Variants in PLCD3 observed in about 807,000 individuals in gnomAD.
PLCD3 encodes the protein phospholipase C delta 3.
Under a neutral mutation model 82.8 loss-of-function variants are expected in PLCD3, and 62 were observed. The ratio of observed to expected loss-of-function variants is 0.75; its 90% CI spans 0.61 to 0.93. PLCD3 has a LOEUF of 0.93. Among genes scored for constraint, PLCD3 ranks in the 40% least tolerant of loss-of-function variants. The pLI is 0.00. For missense variants in PLCD3, 1,023 were observed against 1,103.4 expected, an observed-to-expected ratio of 0.93 and a Z score of 1.03; for synonymous variants, 478 against 471.8, an observed-to-expected ratio of 1.01 and a Z score of -0.17.
Position 45,112,477 on chromosome 17 carries a change from G to C in PLCD3, c.*139C>G. The stretch of plus-strand genomic sequence containing the variant: ...CCCTCAGCACCCAGGTGAGACCAGC[G>C]CCTGGTGAATGGGCTGAGTGGGCCA... On this transcript the variant is annotated 3_prime_UTR_variant, in exon 15 of 15. Coordinates refer to ENST00000619929, the MANE Select transcript of PLCD3 (RefSeq NM_133373.5). 1.1e-6 allele frequency: 1 copy of C among 921,580 alleles called. No individual in the cohort carries two copies. The highest frequency in any genetic ancestry group is 2.6e-5 in the East Asian group (1 of 37,944). The allele number at this position is 921,580 out of a possible 1,614,324, so 57.1% of individuals were successfully genotyped here. A position where few individuals can be genotyped will look rare whatever the true frequency, so the allele number is the denominator to read the frequency against.
chr17:45,116,581 G>A (rs563929856), intron 8 of PLCD3, 51 bp downstream of exon 8: 36 of 1,499,942 alleles, frequency 2.4e-5, no homozygotes, highest in Middle Eastern at 2.3e-4. Context: ...GCGGGGAGGC[G>A]GACTCCCACC....
At chr17:45,127,948 A>G (rs1232181136) in intron 1 of PLCD3, among the ~76,000 whole-genome samples, 1 of 152,154 alleles carries the variant, frequency 6.6e-6, no homozygotes, top group Non-Finnish European at 1.5e-5. Flanking sequence ...GGGAACTGCT[A>G]CAGCCAGCAG....
Position 45,118,473 on chromosome 17 carries a change from C to T in PLCD3, c.933G>A (p.Met311Ile). 1 of 1,613,944 alleles carries T rather than the reference C, an allele frequency of 6.2e-7. No individual in the cohort carries two copies. The highest frequency in any genetic ancestry group is 8.5e-7 in the Non-Finnish European group (1 of 1,179,878). The stretch of plus-strand genomic sequence containing the variant: ...GGTACATCATGAAGCCATCCAGTGT[C>T]ATCAGCTCATGCTGCTTGGCTGCAG... ...LNETAKQHELMTLDGFMMYLL... is the reference protein window; with the variant it reads ...LNETAKQHELITLDGFMMYLL... The change falls in exon 6 of 15, where the codon ATG becomes ATA. Residue 311 changes from methionine to isoleucine, a missense_variant. Physicochemically the swap from Met to Ile is conservative, Grantham distance 10 (BLOSUM62 1). This residue lies in a region of PLCD3 where 553 missense variants were observed against 655.7 expected (regional missense o/e 0.84). Coordinates refer to ENST00000619929, the MANE Select transcript of PLCD3 (RefSeq NM_133373.5). The surrounding 1 kb of genome is among the most constrained non-coding windows in gnomAD (Gnocchi z 4.1).
chr17:45,115,437 G>C lies in PLCD3; in HGVS notation c.1467C>G (p.Ser489Arg). The C allele has an allele frequency of 1.2e-6, 2 of 1,612,040 alleles. No homozygotes were observed. Among genetic ancestry groups the C allele is most frequent in the Non-Finnish European group, 1.7e-6 (2 of 1,179,466 alleles). The change falls in exon 9 of 15, where the codon AGC (serine) becomes AGG (arginine). Residue 489 changes from serine (S) to arginine (R), a missense_variant. Coordinates refer to ENST00000619929, the MANE Select transcript of PLCD3 (RefSeq NM_133373.5). Reference sequence around the variant, plus strand: ...GATCCGACAGAGCCCGGCCATCCTCGCTCCGAGCAGCGGGCAACTTCTTTC... The same window carrying C: ...GATCCGACAGAGCCCGGCCATCCTCCCTCCGAGCAGCGGGCAACTTCTTTC... ...VKGKKLPAAR[S>R]EDGRALSDRE...
Position 45,115,364 on chromosome 17 carries a change from C to A in PLCD3, c.1540G>T (p.Ala514Ser). Residue 514 changes from alanine (A) to serine (S), a missense_variant, in exon 9 of 15, where the codon GCT becomes TCT. By Grantham distance (99) the Ala-to-Ser change is moderately conservative. Around this residue, in one of 3 missense-constraint regions of PLCD3, gnomAD observed 553 missense variants for 655.7 expected, o/e 0.84. Coordinates refer to ENST00000619929, the MANE Select transcript of PLCD3 (RefSeq NM_133373.5). ...DDEEEEEEVE[A>S]AAQRRLAKQI... ...CTCACCAGCCGCCTCTGCGCTGCAG[C>A]CTCCACCTCCTCTTCTTCCTCCTCG... 1 of 1,573,074 alleles carries A rather than the reference C, an allele frequency of 6.4e-7. No individual in the cohort carries two copies. Among genetic ancestry groups the A allele is most frequent in the Non-Finnish European group, 8.6e-7 (1 of 1,160,502 alleles).
rs745960150 is a variant in PLCD3, at chr17:45,115,123, C to T, written c.1682G>A (p.Arg561His). ...QPCQVSSLSE[R>H]KAKKLIREAG... Reference sequence around the variant, plus strand: ...CTCCCGAATGAGTTTCTTGGCTTTGCGCTCGCTGAGGGAGCTGACCTGGCA... The same window carrying T: ...CTCCCGAATGAGTTTCTTGGCTTTGTGCTCGCTGAGGGAGCTGACCTGGCA... The change falls in exon 10 of 15, where the codon CGC becomes CAC. Residue 561 changes from arginine (R) to histidine (H), a missense_variant. By Grantham distance (29) the Arg-to-His change is conservative. Coordinates refer to ENST00000619929, the MANE Select transcript of PLCD3 (RefSeq NM_133373.5). 83 of 1,601,072 alleles carry T rather than the reference C, an allele frequency of 5.2e-5. No homozygotes were observed. In the Middle Eastern group the frequency reaches 3.2e-3, roughly 61 times the overall value.
intron 1 of PLCD3, among the ~76,000 whole-genome samples, chr17:45,128,051 T>A (rs1424291400): frequency 1.3e-5 from 2 of 151,200 alleles, no homozygotes; most frequent in African/African-American, 4.9e-5. Flanking sequence ...TGGCGAGGGG[T>A]CCCAAAGACC....
In PLCD3 at chr17:45,118,777, T is replaced by G; in HGVS notation, c.913+38A>C. Reference sequence around the variant, plus strand: ...ACCCGCTTAGCTGGGAACACAGCCCTTTCAGGTGCCACGACCTGGCCGTGC... The same window carrying G: ...ACCCGCTTAGCTGGGAACACAGCCCGTTCAGGTGCCACGACCTGGCCGTGC... On this transcript the variant is annotated intron_variant, in intron 5 of 14. Transcript: ENST00000619929. The surrounding 1 kb of genome is among the most constrained non-coding windows in gnomAD (Gnocchi z 4.1). 6.3e-7 allele frequency: 1 copy of G among 1,575,202 alleles called. No homozygotes were observed. Among genetic ancestry groups the G allele is most frequent in the Non-Finnish European group, 8.6e-7 (1 of 1,159,192 alleles).
intron 4 of PLCD3, among the ~76,000 whole-genome samples, chr17:45,120,121 C>T (rs1047551981): frequency 1.3e-5 from 2 of 152,270 alleles, no homozygotes; most frequent in African/African-American, 4.8e-5. Flanking sequence ...GCCCCGGCTC[C>T]CCACTCCCTT....
In PLCD3 at chr17:45,115,214, G is replaced by C; in HGVS notation, c.1591C>G (p.Leu531Val). The C allele has an allele frequency of 1.9e-6, 3 of 1,576,472 alleles. No individual in the cohort carries two copies. The highest frequency in any genetic ancestry group is 2.6e-6 in the Non-Finnish European group (3 of 1,159,920). Residue 531 changes from leucine (L) to valine (V), a missense_variant, in exon 10 of 15, where the codon CTG becomes GTG. By Grantham distance (32) the Leu-to-Val change is conservative. Around this residue, in one of 3 missense-constraint regions of PLCD3, gnomAD observed 553 missense variants for 655.7 expected, o/e 0.84. Coordinates refer to ENST00000619929, the MANE Select transcript of PLCD3 (RefSeq NM_133373.5). Reference sequence around the variant, plus strand: ...CGGGTGGCGTGGCAGTACACAGCCAGGGCCGACAGCTCCGGGGAGATCTGC... The same window carrying C: ...CGGGTGGCGTGGCAGTACACAGCCACGGCCGACAGCTCCGGGGAGATCTGC... ...AKQISPELSA[L>V]AVYCHATRLR...
intron 4 of PLCD3, among the ~76,000 whole-genome samples, chr17:45,119,899 CCT>C (rs2054322796): frequency 6.6e-6 from 1 of 152,220 alleles, no homozygotes; most frequent in South Asian, 2.1e-4. Flanking sequence ...CCTGTGTGCC[CCT>C]GTGCTCCCAT....
At chr17:45,127,549 C>T (rs1299847694) in intron 1 of PLCD3, among the ~76,000 whole-genome samples, 1 of 152,244 alleles carries the variant, frequency 6.6e-6, no homozygotes, top group East Asian at 1.9e-4. Flanking sequence ...CACAGGTGCA[C>T]CACTGAGCTC....
chr17:45,111,150 T>G lies in PLCD3; in HGVS notation c.*1466A>C, dbSNP rs539270408. 1.3e-5 allele frequency: 2 copies of G among 152,322 alleles called. No individual in the cohort carries two copies. Among genetic ancestry groups the G allele is most frequent in the Non-Finnish European group, 2.9e-5 (2 of 68,022 alleles). The allele number at this position is 152,322 out of a possible 1,614,324, so 9.4% of individuals were successfully genotyped here. ...ATTTTCTCCAGATTCTGTCGCCTAG[T>G]GTCCAGTGCGCTCTCCTGGCATTTC... On this transcript the variant is annotated 3_prime_UTR_variant, in exon 15 of 15. Coordinates refer to ENST00000619929, the MANE Select transcript of PLCD3 (RefSeq NM_133373.5).
rs1455726007 is a variant in PLCD3, at chr17:45,126,465, G to A, written c.164-5093C>T. Among the ~76,000 whole-genome samples the A allele has an allele frequency of 4.1e-5, 6 of 145,614 alleles. No homozygotes were observed. In the East Asian group the frequency reaches 1.2e-3, roughly 29 times the overall value. ...ACCTCCCGGGTTCAAGTGATTTCCG[G>A]CTAATTGTTGTATTTTTAGTAGAGA... On this transcript the variant is annotated intron_variant, in intron 1 of 14. Coordinates refer to ENST00000619929, the MANE Select transcript of PLCD3 (RefSeq NM_133373.5).
At chr17:45,129,622 C>T (rs1304831887) in intron 1 of PLCD3, among the ~76,000 whole-genome samples, 1 of 152,238 alleles carries the variant, frequency 6.6e-6, no homozygotes, top group Non-Finnish European at 1.5e-5. Context: ...GAGGACAGCA[C>T]CTCCCGCACA....
intron 7 of PLCD3, among the ~76,000 whole-genome samples, chr17:45,117,486 C>T (rs1457906930): frequency 6.6e-6 from 1 of 152,180 alleles, no homozygotes; most frequent in East Asian, 1.9e-4. Context: ...AAGTGATCCT[C>T]GCGTCAGCCT....
At chr17:45,119,960 G>A (rs1464388828) in intron 4 of PLCD3, among the ~76,000 whole-genome samples, 1 of 152,126 alleles carries the variant, frequency 6.6e-6, no homozygotes, top group Non-Finnish European at 1.5e-5. Context: ...GTGGAGAAGG[G>A]TGCACACGTG....
rs1378488102 is a variant in PLCD3, at chr17:45,112,899, C to T, written c.2245G>A (p.Gly749Ser). Residue 749 changes from glycine (G) to serine (S), a missense_variant, in exon 14 of 15, where the codon GGC (glycine) becomes AGC (serine). This residue lies in a region of PLCD3 where 553 missense variants were observed against 655.7 expected (regional missense o/e 0.84). Transcript: ENST00000619929. Reference sequence around the variant, plus strand: ...CTGCTAAGAGGCAGTGTAAACTGGCCCACAAAGTCATTGGGGGAGGTGGCG... The same window carrying T: ...CTGCTAAGAGGCAGTGTAAACTGGCTCACAAAGTCATTGGGGGAGGTGGCG... ...YDATSPNDFV[G>S]QFTLPLSSLK... is the part of the protein sequence containing the mutation. 6.2e-7 allele frequency: 1 copy of T among 1,612,552 alleles called. No homozygotes were observed. Among genetic ancestry groups the T allele is most frequent in the Non-Finnish European group, 8.5e-7 (1 of 1,179,320 alleles).
intron 4 of PLCD3, 83 bp downstream of exon 4, chr17:45,120,242 A>G: frequency 6.4e-7 from 1 of 1,571,176 alleles, no homozygotes; most frequent in East Asian, 2.3e-5. Context: ...AGGGCAGGGG[A>G]GCTGATGATT....
Sources: allele counts gnomAD v4.1 joint callset (sites outside exome capture counted in the v4.1 genomes callset), GRCh38; gene constraint gnomAD v4.1.1; regional missense constraint gnomAD v4.1.1; non-coding constraint Gnocchi (gnomAD v3.1); transcripts MANE v1.5; gene names NCBI Gene and HGNC (gene_info 2026-07-23, HGNC 2026-07-21).